PATJ: variants seen among roughly 807,000 people sequenced by gnomAD.
The protein encoded by PATJ is PATJ crumbs cell polarity complex component.
Under a neutral mutation model 224.9 loss-of-function variants are expected in PATJ, and 190 were observed. The observed-to-expected ratio is 0.84, with a 90% CI of 0.75 to 0.95. The LOEUF is 0.95. Ranked by LOEUF, PATJ falls within the 40% of genes least tolerant of loss-of-function variation. PATJ has a pLI of 0.00. For missense variants in PATJ, 2,121 were observed against 2,270.3 expected (o/e 0.93, Z 1.34); for synonymous variants, 769 against 820.3 (o/e 0.94, Z 1.07).
intron 28 of PATJ, among the ~76,000 whole-genome samples, chr1:62,011,582 AC>A (rs1646453557): frequency 6.6e-6 from 1 of 152,188 alleles, no homozygotes; most frequent in Non-Finnish European, 1.5e-5. Flanking sequence ...GCCATAACAG[AC>A]AGAATAATAA....
At chr1:61,853,365 C>T (rs1475774928) in intron 17 of PATJ, among the ~76,000 whole-genome samples, 1 of 152,126 alleles carries the variant, frequency 6.6e-6, no homozygotes, top group Admixed American at 6.5e-5. Flanking sequence ...TTGGTGTTAT[C>T]TGAAACTGCA....
intron 14 of PATJ, among the ~76,000 whole-genome samples, chr1:61,821,278 C>T (rs1331902536): frequency 6.6e-6 from 1 of 152,042 alleles, no homozygotes; most frequent in East Asian, 1.9e-4. Flanking sequence ...ATCACCTGAC[C>T]TTGTGATCCT....
rs761145542 is a variant in PATJ, at chr1:61,771,543, T to A, written c.637T>A (p.Leu213Met). 6 of 1,613,414 alleles carry A rather than the reference T, an allele frequency of 3.7e-6. No individual in the cohort carries two copies. The highest frequency in any genetic ancestry group is 5.1e-6 in the Non-Finnish European group (6 of 1,179,780). ...ATTATTACAACAAACCACTGGATCT[T>A]TGAGACTGATTGTGGCCAGGGAACC... is the stretch of plus-strand genomic sequence containing the variant. ...IALLQQTTGS[L>M]RLIVAREPVH... is the part of the protein sequence containing the mutation. The change falls in exon 6 of 44, where the codon TTG becomes ATG. Residue 213 changes from leucine to methionine, a missense_variant. Physicochemically the swap from Leu to Met is conservative, Grantham distance 15 (BLOSUM62 2). Transcript: ENST00000642238.
intron 29 of PATJ, among the ~76,000 whole-genome samples, chr1:62,037,448 G>A (rs1247567795): frequency 6.6e-6 from 1 of 151,938 alleles, no homozygotes; most frequent in Non-Finnish European, 1.5e-5. Flanking sequence ...TGTCTGTCTG[G>A]AGCTCTGCCC....
At position 62,108,473 on chromosome 1, in the gene PATJ, G is replaced by C. The variant is rs563936968; in HGVS notation, c.4414G>C (p.Ala1472Pro). 19 of 1,610,032 alleles carry C rather than the reference G, an allele frequency of 1.2e-5. No individual in the cohort carries two copies. Among genetic ancestry groups the C allele is most frequent in the Non-Finnish European group, 1.4e-5 (17 of 1,177,114 alleles). ...IVIHEVYEEG[A>P]AARDGRLWAG... is the part of the protein sequence containing the mutation. ...TATCCATGAAGTCTATGAAGAAGGG[G>C]CAGCAGCCAGAGATGGAAGACTTTG... Residue 1472 changes from alanine to proline, a missense_variant, in exon 34 of 44, where the codon GCA becomes CCA. Coordinates refer to ENST00000642238, the MANE Select transcript of PATJ (RefSeq NM_001350145.3).
chr1:61,767,279 A>G (rs1426742231), intron 4 of PATJ, among the ~76,000 whole-genome samples: 1 of 152,146 alleles, frequency 6.6e-6, no homozygotes, highest in Non-Finnish European at 1.5e-5. Context: ...GGTAGCTTAT[A>G]TCTATAATCT....
At chr1:62,131,458 G>T (rs567898353) in intron 41 of PATJ, among the ~76,000 whole-genome samples, 161 of 152,204 alleles carry the variant, frequency 1.1e-3, no homozygotes, top group Non-Finnish European at 1.3e-3. Context: ...GATATAATTT[G>T]TTCAGCTCTG....
intron 28 of PATJ, among the ~76,000 whole-genome samples, chr1:61,995,103 T>C (rs1310128601): frequency 2.6e-5 from 4 of 152,210 alleles, no homozygotes; most frequent in East Asian, 3.8e-4. Flanking sequence ...GCCAGTGTTA[T>C]AATAGCTGTT....
intron 27 of PATJ, among the ~76,000 whole-genome samples, chr1:61,970,297 A>C (rs11810796): frequency 0.24 from 36,127 of 151,530 alleles, 4,748 homozygotes; most frequent in African/African-American, 0.34. Context: ...TACCTCCCCC[A>C]CCGACACACG....
At chr1:61,899,065 A>G (rs1242166278) in intron 22 of PATJ, among the ~76,000 whole-genome samples, 1 of 152,174 alleles carries the variant, frequency 6.6e-6, no homozygotes, top group Admixed American at 6.6e-5. Context: ...TGAGGATCAT[A>G]TTAGATAATA....
At chr1:62,067,123 CTTT>C (rs11381578) in intron 31 of PATJ, among the ~76,000 whole-genome samples, 43 of 116,446 alleles carry the variant, frequency 3.7e-4, no homozygotes, top group African/African-American at 9.2e-4. Context: ...CCTATTCTTT[CTTT>C]TTTTTTTTTT....
intron 28 of PATJ, among the ~76,000 whole-genome samples, chr1:61,997,982 T>TTTTTTTTATATATATATA (rs374175697): frequency 8.5e-6 from 1 of 118,334 alleles, no homozygotes; most frequent in Non-Finnish European, 1.6e-5. Context: ...TGTGCCCAGC[T>TTTTTTTTATATATATATA]TATATATGTA....
chr1:62,063,872 A>T (rs1224847355), intron 31 of PATJ, among the ~76,000 whole-genome samples: 40 of 152,176 alleles, frequency 2.6e-4, no homozygotes, highest in Admixed American at 2.2e-3. Flanking sequence ...AACTTCACTG[A>T]CGTCATTTAT....
intron 22 of PATJ, among the ~76,000 whole-genome samples, chr1:61,892,369 A>T (rs990166709): frequency 6.6e-6 from 1 of 152,208 alleles, no homozygotes; most frequent in Non-Finnish European, 1.5e-5. Flanking sequence ...ACTACTGAAG[A>T]GGAAAGGTCA....
At chr1:62,049,450 G>C (rs1653185245) in intron 30 of PATJ, among the ~76,000 whole-genome samples, 1 of 152,106 alleles carries the variant, frequency 6.6e-6, no homozygotes, top group Non-Finnish European at 1.5e-5. Flanking sequence ...AATTATGAGT[G>C]AGATTGAATG....
At chr1:61,990,565 CAG>C (rs931167606) in intron 28 of PATJ, 13 of 418,612 alleles carry the variant, frequency 3.1e-5, no homozygotes, top group African/African-American at 2.7e-4. Flanking sequence ...ACTAATCTCA[CAG>C]AATATTTTAG....
chr1:62,058,057 A>G (rs1654833672), intron 31 of PATJ, among the ~76,000 whole-genome samples: 1 of 152,198 alleles, frequency 6.6e-6, no homozygotes, highest in East Asian at 1.9e-4. Flanking sequence ...ATTTGTCTTT[A>G]CTGTTGTCTT....
At chr1:62,079,127 A>C (rs1658825425) in intron 31 of PATJ, among the ~76,000 whole-genome samples, 1 of 152,154 alleles carries the variant, frequency 6.6e-6, no homozygotes, top group Non-Finnish European at 1.5e-5. Flanking sequence ...CATCAGAATG[A>C]GTAGAAATTG....
At chr1:62,126,672 T>A (rs1665750159) in intron 39 of PATJ, among the ~76,000 whole-genome samples, 1 of 152,242 alleles carries the variant, frequency 6.6e-6, no homozygotes, top group Non-Finnish European at 1.5e-5. Context: ...GTGGGTGTCC[T>A]CTCAGATCCT....
Sources: allele counts gnomAD v4.1 joint callset (sites outside exome capture counted in the v4.1 genomes callset), GRCh38; gene constraint gnomAD v4.1.1; transcripts MANE v1.5; gene names NCBI Gene and HGNC (gene_info 2026-07-23, HGNC 2026-07-21).